SMAD6: variants seen among roughly 807,000 people sequenced by gnomAD.
SMAD6 encodes the protein SMAD family member 6, also known as MAD homolog 6.
A neutral mutation model predicts 39.4 loss-of-function variants in SMAD6; 103 were observed. That is an observed-to-expected ratio of 2.62 (90% CI 2.23 to 3.08). The LOEUF (loss-of-function observed/expected upper bound fraction) is 3.08, where lower values mean the gene tolerates loss of function less well. Ranked by LOEUF, SMAD6 falls within the 30% of genes most tolerant of loss-of-function variation. The pLI, the probability that SMAD6 is intolerant of heterozygous loss-of-function variation, is 0.00. For synonymous variants in SMAD6, 445 were observed against 353.3 expected (o/e 1.26, Z -2.91); for missense variants, 1,104 against 742.9 (o/e 1.49, Z -5.65).
chr15:66,750,545 T>C (rs981388806), intron 3 of SMAD6, among the ~76,000 whole-genome samples: 3 of 152,208 alleles, frequency 2.0e-5, no homozygotes, highest in African/African-American at 7.2e-5. Flanking sequence ...GACTTGGCTA[T>C]GGTATGATTT....
intron 3 of SMAD6, among the ~76,000 whole-genome samples, chr15:66,761,735 A>G (rs7180265): frequency 0.68 from 103,218 of 152,008 alleles, 35,170 homozygotes; most frequent in East Asian, 0.91. Flanking sequence ...CAGGCTGAAT[A>G]ATCTCTAGCC....
At chr15:66,709,108 CT>C (rs1354345257) in intron 1 of SMAD6, among the ~76,000 whole-genome samples, 1 of 152,210 alleles carries the variant, frequency 6.6e-6, no homozygotes, top group Non-Finnish European at 1.5e-5. Context: ...CCTCTTCTGT[CT>C]TTGACACTCT....
At chr15:66,730,931 T>C (rs1333968442) in intron 3 of SMAD6, among the ~76,000 whole-genome samples, 3 of 152,324 alleles carry the variant, frequency 2.0e-5, no homozygotes, top group Admixed American at 2.0e-4. Context: ...TGGGCCAGAA[T>C]GGTTGTCACA....
At chr15:66,750,747 G>A (rs970358078) in intron 3 of SMAD6, among the ~76,000 whole-genome samples, 4 of 152,120 alleles carry the variant, frequency 2.6e-5, no homozygotes, top group African/African-American at 7.2e-5. Context: ...AATCCCGCTG[G>A]GAACTTAGGG....
In SMAD6 at chr15:66,747,706, G is replaced by A. The variant is rs1426356760; in HGVS notation, c.952+31208G>A. Among the ~76,000 whole-genome samples, 2 of 152,208 alleles carry A rather than the reference G, an allele frequency of 1.3e-5. No individual in the cohort carries two copies. Among genetic ancestry groups the A allele is most frequent in the Non-Finnish European group, 2.9e-5 (2 of 68,028 alleles). On this transcript the variant is annotated intron_variant, in intron 3 of 3. Transcript: ENST00000288840. This position sits in a 1 kb window ranked among gnomAD's most constrained non-coding sequence, Gnocchi z 4.5. Reference sequence around the variant, plus strand: ...ATTGGAAAATGAGGAGTGTAAATTTGATAGAGGTTGAACGAAACACCTGCC... The same window carrying A: ...ATTGGAAAATGAGGAGTGTAAATTTAATAGAGGTTGAACGAAACACCTGCC...
chr15:66,732,907 AT>A (rs200362768), intron 3 of SMAD6, among the ~76,000 whole-genome samples: 12 of 150,154 alleles, frequency 8.0e-5, no homozygotes, highest in South Asian at 2.1e-4. Flanking sequence ...AAGGACAGAA[AT>A]TTTTTTTTTA....
At chr15:66,768,695 G>T (rs1894330890) in intron 3 of SMAD6, among the ~76,000 whole-genome samples, 1 of 152,216 alleles carries the variant, frequency 6.6e-6, no homozygotes, top group Non-Finnish European at 1.5e-5. Context: ...CTGAGCATCA[G>T]TAGTACTCTC....
At chr15:66,738,051 A>T (rs1425844372) in intron 3 of SMAD6, among the ~76,000 whole-genome samples, 1 of 152,212 alleles carries the variant, frequency 6.6e-6, no homozygotes, top group Non-Finnish European at 1.5e-5. Context: ...GGACATTTAC[A>T]TTGCTATGCT....
intron 3 of SMAD6, among the ~76,000 whole-genome samples, chr15:66,742,482 T>A (rs538470733): frequency 6.6e-6 from 1 of 152,204 alleles, no homozygotes; most frequent in East Asian, 1.9e-4. Flanking sequence ...GTGTGTCTGG[T>A]GGTCTTGGCC....
chr15:66,769,108 G>C (rs927781469), intron 3 of SMAD6, among the ~76,000 whole-genome samples: 2 of 152,194 alleles, frequency 1.3e-5, no homozygotes, highest in Admixed American at 1.3e-4. Context: ...TGGTCATCGA[G>C]TGCCGGGTAC....
At chr15:66,705,528 A>T (rs962547003) in intron 1 of SMAD6, 14 of 151,720 alleles carry the variant, frequency 9.2e-5, no homozygotes, top group Non-Finnish European at 1.3e-4. Context: ...GCCTCTGGGG[A>T]AGGAGACCAG....
In SMAD6 at chr15:66,711,687, C is replaced by G. The variant is rs1595763070; in HGVS notation, c.837C>G (p.Tyr279Ter). The G allele has an allele frequency of 1.2e-6, 2 of 1,614,008 alleles. No homozygotes were observed. Among genetic ancestry groups the G allele is most frequent in the Non-Finnish European group, 8.5e-7 (1 of 1,179,872 alleles). Reference sequence around the variant, plus strand: ...TTCCAGAATCTCCGCCACCTCCCTACTCTCGGCTGTCTCCTCGCGACGAGT... The same window carrying G: ...TTCCAGAATCTCCGCCACCTCCCTAGTCTCGGCTGTCTCCTCGCGACGAGT... The part of the protein sequence containing the change: ...LCGPESPPPP[Y>*]SRLSPRDEYK... Residue 279 changes from tyrosine (Y) to a stop codon, truncating the protein, a stop_gained, in exon 2 of 4, where the codon TAC becomes TAG. Coordinates refer to ENST00000288840, the MANE Select transcript of SMAD6 (RefSeq NM_005585.5). LOFTEE classifies it high-confidence loss of function.
At chr15:66,719,489 G>A (rs1480359689) in intron 3 of SMAD6, among the ~76,000 whole-genome samples, 3 of 152,132 alleles carry the variant, frequency 2.0e-5, no homozygotes, top group South Asian at 2.1e-4. Flanking sequence ...GGGGTCTGCC[G>A]ATCCCGAGAG....
intron 3 of SMAD6, among the ~76,000 whole-genome samples, chr15:66,733,506 A>G (rs1053863726): frequency 1.3e-5 from 2 of 152,086 alleles, no homozygotes; most frequent in African/African-American, 2.4e-5. Context: ...GATCTTGCAC[A>G]TTATTGTTAA....
Position 66,781,196 on chromosome 15 carries a change from C to T in SMAD6, c.1152C>T (p.Arg384=). 1 of 1,608,252 alleles carries T rather than the reference C, an allele frequency of 6.2e-7. No individual in the cohort carries two copies. The highest frequency in any genetic ancestry group is 8.5e-7 in the Non-Finnish European group (1 of 1,179,738). The stretch of plus-strand genomic sequence containing the variant: ...GCAGCGAGTCGGTGCGGCGAACGCG[C>T]AGCAAGATCGGCTTCGGCATCCTGC... ...EQRSESVRRT[R]SKIGFGILLS... Residue 384 remains arginine (R), a synonymous_variant, in exon 4 of 4, where the codon CGC becomes CGT. Transcript: ENST00000288840.
At chr15:66,779,230 C>T (rs1250386435) in intron 3 of SMAD6, among the ~76,000 whole-genome samples, 2 of 152,202 alleles carry the variant, frequency 1.3e-5, no homozygotes, top group African/African-American at 4.8e-5. Flanking sequence ...CTTGAGCTGT[C>T]TCTGTCACTA....
chr15:66,763,359 G>T (rs966582961), intron 3 of SMAD6, among the ~76,000 whole-genome samples: 2 of 152,232 alleles, frequency 1.3e-5, no homozygotes, highest in African/African-American at 2.4e-5. Context: ...GCCCCCACGT[G>T]CCCAGAGACA....
intron 3 of SMAD6, among the ~76,000 whole-genome samples, chr15:66,739,741 A>G (rs1567103664): frequency 6.6e-6 from 1 of 152,204 alleles, no homozygotes; most frequent in Non-Finnish European, 1.5e-5. Context: ...AAATCCCATA[A>G]TCTGACTGTC....
At chr15:66,738,979 G>T (rs1893765599) in intron 3 of SMAD6, among the ~76,000 whole-genome samples, 1 of 152,070 alleles carries the variant, frequency 6.6e-6, no homozygotes, top group Non-Finnish European at 1.5e-5. Context: ...GGATCGTGCT[G>T]TCCTGCAGCC....
Sources: allele counts gnomAD v4.1 joint callset (sites outside exome capture counted in the v4.1 genomes callset), GRCh38; gene constraint gnomAD v4.1.1; non-coding constraint Gnocchi (gnomAD v3.1); transcripts MANE v1.5; gene names NCBI Gene and HGNC (gene_info 2026-07-23, HGNC 2026-07-21).